Variants in ELAPOR1 observed in about 807,000 individuals in gnomAD.
ELAPOR1 encodes the protein endosome/lysosome-associated apoptosis and autophagy regulator 1.
In ELAPOR1, 77 loss-of-function variants were observed where a neutral mutation model predicts 119.7. That is an observed-to-expected ratio of 0.64 (90% CI 0.54 to 0.78). The LOEUF (loss-of-function observed/expected upper bound fraction) is 0.78. Among genes scored for constraint, ELAPOR1 ranks in the 30% least tolerant of loss-of-function variants. ELAPOR1 has a pLI of 0.00. For missense variants in ELAPOR1, 1,115 were observed against 1,270.4 expected, an observed-to-expected ratio of 0.88 and a Z score of 1.86; for synonymous variants, 481 against 487.2, an observed-to-expected ratio of 0.99 and a Z score of 0.17.
At chr1:109,201,207 C>A (rs2101147426) in intron 21 of ELAPOR1, 2 of 481,550 alleles carry the variant, frequency 4.2e-6, no homozygotes, top group East Asian at 1.0e-4. Flanking sequence ...TTGTAAGAAT[C>A]ATCCCCTACT....
intron 1 of ELAPOR1, among the ~76,000 whole-genome samples, chr1:109,129,169 A>C (rs1375653387): frequency 6.6e-6 from 1 of 152,192 alleles, no homozygotes; most frequent in Non-Finnish European, 1.5e-5. Context: ...TTAAGTATTT[A>C]TTAAACATAA....
chr1:109,161,085 T>C (rs1570662164), intron 1 of ELAPOR1, among the ~76,000 whole-genome samples: 2 of 152,162 alleles, frequency 1.3e-5, no homozygotes, highest in Non-Finnish European at 1.5e-5. Context: ...TGGGAATTCA[T>C]AGTCTTTCTG....
intron 2 of ELAPOR1, among the ~76,000 whole-genome samples, chr1:109,162,735 A>G (rs1651338691): frequency 6.6e-6 from 1 of 152,264 alleles, no homozygotes; most frequent in African/African-American, 2.4e-5. Flanking sequence ...TGCCTGGTTG[A>G]GTAAGTGAGC....
chr1:109,200,972 T>A (rs1654137166), intron 21 of ELAPOR1, 72 bp downstream of exon 21: 1 of 1,458,152 alleles, frequency 6.9e-7, no homozygotes, highest in South Asian at 1.3e-5. Flanking sequence ...AGACACTGAA[T>A]GGTCCTGTAC....
intron 1 of ELAPOR1, among the ~76,000 whole-genome samples, chr1:109,119,928 T>C (rs1284310482): frequency 6.6e-6 from 1 of 152,200 alleles, no homozygotes; most frequent in Non-Finnish European, 1.5e-5. Flanking sequence ...AATCATAATT[T>C]ATTCTTCAGT....
chr1:109,154,984 A>G (rs1350357922), intron 1 of ELAPOR1, among the ~76,000 whole-genome samples: 1 of 152,090 alleles, frequency 6.6e-6, no homozygotes, highest in Non-Finnish European at 1.5e-5. Context: ...AATGGCAACT[A>G]AACCTCTTTG....
intron 1 of ELAPOR1, among the ~76,000 whole-genome samples, chr1:109,152,401 ATCT>A (rs1326114673): frequency 2.6e-5 from 4 of 152,052 alleles, no homozygotes; most frequent in Admixed American, 6.6e-5. Context: ...AGTCATGTTG[ATCT>A]TCTGCTTCCT....
In ELAPOR1 at chr1:109,172,037, G is replaced by T. The variant is rs771340400; in HGVS notation, c.615+24G>T. ...TCGTAAGCCCCTGGCCAAGGTGGAG[G>T]GTGGGAGCTAAAAAGCCTCTCTGGG... On this transcript the variant is annotated intron_variant, in intron 4 of 21. Coordinates refer to ENST00000369939, the MANE Select transcript of ELAPOR1 (RefSeq NM_020775.5). 3 of 1,613,996 alleles carry T rather than the reference G, an allele frequency of 1.9e-6. No homozygotes were observed. In the East Asian group the frequency reaches 6.7e-5, roughly 36 times the overall value.
In ELAPOR1 at chr1:109,199,909, G is replaced by A. The variant is rs143955399; in HGVS notation, c.2557G>A (p.Ala853Thr). 428 of 1,613,870 alleles carry A rather than the reference G, an allele frequency of 2.7e-4. 1 individual carries two copies. The highest frequency in any genetic ancestry group is 1.0e-3 in the African/African-American group (77 of 75,054). Residue 853 changes from alanine to threonine, a missense_variant, in exon 19 of 22, where the codon GCG becomes ACG. Transcript: ENST00000369939. ...CAACTTCCACTTCCTGTGGGAGAGCGCGGCTGCTTGCCCGCTCTGCTCAGT... is the reference window on the plus strand; with the variant it reads ...CAACTTCCACTTCCTGTGGGAGAGCACGGCTGCTTGCCCGCTCTGCTCAGT... The part of the protein sequence containing the change: ...GCNFHFLWES[A>T]AACPLCSVAD...
intron 1 of ELAPOR1, among the ~76,000 whole-genome samples, chr1:109,116,984 C>T (rs1167279954): frequency 1.3e-5 from 2 of 152,186 alleles, no homozygotes; most frequent in Admixed American, 1.3e-4. Flanking sequence ...AGTCACTGTG[C>T]CCAGCCACTC....
In ELAPOR1 at chr1:109,152,952, CAAAAAA is replaced by C. The variant is rs11392572; in HGVS notation, c.154-8930_154-8925del. On this transcript the variant is annotated intron_variant, in intron 1 of 21. Transcript: ENST00000369939. ...GGGTGGTGGAGTTAGACCCTGTCTC[CAAAAAA>C]AAAAAAAAAAAGAAAGAAAAAAAGG... Among the ~76,000 whole-genome samples the C allele has an allele frequency of 5.2e-4, 53 of 102,400 alleles. No individual in the cohort carries two copies. The East Asian group carries it at 0.013, about 25-fold the overall frequency. 67.2% of individuals were successfully genotyped at this position (102,400 alleles called of 152,430 possible).
At position 109,191,884 on chromosome 1, in the gene ELAPOR1, A is replaced by C. The variant is rs528710511; in HGVS notation, c.1683+21A>C. 55 of 1,613,808 alleles carry C rather than the reference A, an allele frequency of 3.4e-5. No individual in the cohort carries two copies. In the South Asian group the frequency reaches 5.6e-4, roughly 16 times the overall value. ...AGGCAGTAAGTTCCTCCCCTTCCTC[A>C]GACCCCCAGGAGAGACCCTCTGAAC... On this transcript the variant is annotated intron_variant, in intron 13 of 21. Coordinates refer to ENST00000369939, the MANE Select transcript of ELAPOR1 (RefSeq NM_020775.5).
intron 15 of ELAPOR1, 72 bp downstream of exon 15, chr1:109,194,666 C>G (rs1229994599): frequency 4.9e-6 from 7 of 1,432,796 alleles, no homozygotes; most frequent in Admixed American, 3.6e-5. Context: ...GAGACAGACA[C>G]AGGAGAAAAC....
chr1:109,192,914 G>T (rs939704008), intron 14 of ELAPOR1, 40 bp downstream of exon 14: 7 of 1,596,810 alleles, frequency 4.4e-6, no homozygotes, highest in Non-Finnish European at 5.1e-6. Flanking sequence ...CTGACCCTCT[G>T]CTTGGATGAC....
intron 7 of ELAPOR1, among the ~76,000 whole-genome samples, chr1:109,181,109 A>G (rs1301031859): frequency 6.6e-6 from 1 of 152,224 alleles, no homozygotes; most frequent in Admixed American, 6.5e-5. Flanking sequence ...CGAGGAAGAA[A>G]GAGAAGCTCA....
chr1:109,119,277 A>G (rs532859836), intron 1 of ELAPOR1, among the ~76,000 whole-genome samples: 1 of 148,682 alleles, frequency 6.7e-6, no homozygotes, highest in African/African-American at 2.5e-5. Context: ...GCTCACTGCA[A>G]CCTCCCCCTC....
chr1:109,199,063 T>G (rs1314847160), intron 18 of ELAPOR1, among the ~76,000 whole-genome samples: 1 of 152,156 alleles, frequency 6.6e-6, no homozygotes, highest in Non-Finnish European at 1.5e-5. Flanking sequence ...AGCGGGTTGT[T>G]TTGAGGATTA....
At chr1:109,139,781 CT>C (rs1346675245) in intron 1 of ELAPOR1, among the ~76,000 whole-genome samples, 4 of 151,216 alleles carry the variant, frequency 2.6e-5, no homozygotes, top group Non-Finnish European at 5.9e-5. Context: ...ATTTTTTTTC[CT>C]TTTTTTTGAG....
In ELAPOR1 at chr1:109,114,286, G is replaced by C; in HGVS notation, c.103G>C (p.Ala35Pro). ...LWRLLLWAGT[A>P]FQVTQGTGPE... ...GCGGCTGCTGCTCTGGGCTGGGACC[G>C]CCTTCCAGGTGACCCAGGGAACGGG... is the stretch of plus-strand genomic sequence containing the variant. The change falls in exon 1 of 22, where the codon GCC becomes CCC. Residue 35 changes from alanine (A) to proline (P), a missense_variant. Ala to Pro is a conservative substitution (Grantham distance 27). Coordinates refer to ENST00000369939, the MANE Select transcript of ELAPOR1 (RefSeq NM_020775.5). 1 of 1,599,816 alleles carries C rather than the reference G, an allele frequency of 6.3e-7. No individual in the cohort carries two copies. Among genetic ancestry groups the C allele is most frequent in the Non-Finnish European group, 8.5e-7 (1 of 1,173,520 alleles).
Sources: gnomAD v4.1 joint callset for allele counts (sites outside exome capture counted in the v4.1 genomes callset) on GRCh38, gnomAD v4.1.1 for gene constraint, MANE v1.5 for transcripts, NCBI Gene and HGNC (gene_info 2026-07-23, HGNC 2026-07-21) for gene names.